NEUROD1: variants seen among roughly 807,000 people sequenced by gnomAD.
NEUROD1 encodes neurogenic differentiation factor 1.
In NEUROD1, 9 loss-of-function variants were observed where a neutral mutation model predicts 21.8. That is an observed-to-expected ratio of 0.41 (90% CI 0.25 to 0.72). NEUROD1 has a LOEUF of 0.72. NEUROD1 is among the 30% of genes least tolerant of loss of function. The probability of loss-of-function intolerance (pLI) is 0.31; values close to 1 mark genes in which losing one functional copy is unlikely to be tolerated. For missense variants in NEUROD1, 434 were observed against 468.8 expected, an observed-to-expected ratio of 0.93 and a Z score of 0.69; for synonymous variants, 199 against 186.2, an observed-to-expected ratio of 1.07 and a Z score of -0.56.
chr2:181,668,956 G>A (rs1219798911), downstream of NEUROD1, among the ~76,000 whole-genome samples: 1 of 151,986 alleles, frequency 6.6e-6, no homozygotes, highest in Non-Finnish European at 1.5e-5. Context: ...CACATAACAG[G>A]ACCTGGTAAG....
chr2:181,677,110 CA>C lies in NEUROD1; in HGVS notation c.*679del, dbSNP rs1688591149. 1.9e-5 allele frequency: 1 copy of C among 53,570 alleles called. No homozygotes were observed. Among genetic ancestry groups the C allele is most frequent in the South Asian group, 4.9e-4 (1 of 2,042 alleles). The allele number at this position is 53,570 out of a possible 1,614,324, so 3.3% of individuals were successfully genotyped here. ...AGTGAAATGAATTGCTCAAATTGTG[CA>C]ATTTTTTTTTTTTTTTTTTTTTTTT... On this transcript the variant is annotated 3_prime_UTR_variant, in exon 2 of 2. Transcript: ENST00000295108.
rs1396359582 is a variant in NEUROD1, at chr2:181,678,826, C to T, written c.35G>A (p.Gly12Asp). Reference protein sequence around the residue: ...TKSYSESGLMGEPQPQGPPSW... With the variant: ...TKSYSESGLMDEPQPQGPPSW... Reference sequence around the variant, plus strand: ...TGGAGGACCTTGGGGCTGAGGCTCGCCCATCAGCCCACTCTCGCTGTACGA... The same window carrying T: ...TGGAGGACCTTGGGGCTGAGGCTCGTCCATCAGCCCACTCTCGCTGTACGA... Residue 12 changes from glycine (G) to aspartate (D), a missense_variant, in exon 2 of 2, where the codon GGC (glycine) becomes GAC (aspartate). Gly to Asp is a moderately conservative substitution (Grantham distance 94). Coordinates refer to ENST00000295108, the MANE Select transcript of NEUROD1 (RefSeq NM_002500.5). This position sits in a 1 kb window ranked among gnomAD's most constrained non-coding sequence, Gnocchi z 5.5. 1 of 1,613,942 alleles carries T rather than the reference C, an allele frequency of 6.2e-7. No individual in the cohort carries two copies. Among genetic ancestry groups the T allele is most frequent in the Non-Finnish European group, 8.5e-7 (1 of 1,180,030 alleles).
rs1688650700 is a variant in NEUROD1, at chr2:181,678,930, A to G, written c.-11-59T>C. 2 of 1,596,206 alleles carry G rather than the reference A, an allele frequency of 1.3e-6. No homozygotes were observed. The highest frequency in any genetic ancestry group is 1.7e-6 in the Non-Finnish European group (2 of 1,172,098). On this transcript the variant is annotated intron_variant, in intron 1 of 1. Coordinates refer to ENST00000295108, the MANE Select transcript of NEUROD1 (RefSeq NM_002500.5). This position sits in a 1 kb window ranked among gnomAD's most constrained non-coding sequence, Gnocchi z 5.5. ...AAAGCAGAAAAACGCTATATTCAAAAGCCAGATACGCCTTCAGCTTCCACT... is the reference window on the plus strand; with the variant it reads ...AAAGCAGAAAAACGCTATATTCAAAGGCCAGATACGCCTTCAGCTTCCACT...
chr2:181,669,998 G>A (rs1688473993), downstream of NEUROD1, among the ~76,000 whole-genome samples: 1 of 152,094 alleles, frequency 6.6e-6, no homozygotes, highest in South Asian at 2.1e-4. Flanking sequence ...AGAAGTCATG[G>A]CACTTAAATT....
chr2:181,672,524 A>G (rs1574085457), downstream of NEUROD1, among the ~76,000 whole-genome samples: 1 of 152,250 alleles, frequency 6.6e-6, no homozygotes, highest in South Asian at 2.1e-4. Context: ...AGACCTAGAG[A>G]TAGATAGTTT....
Position 181,677,690 on chromosome 2 carries a change from C to T in NEUROD1, c.*100G>A, listed in dbSNP as rs1324256252. 6.2e-7 allele frequency: 1 copy of T among 1,604,030 alleles called. No homozygotes were observed. Among genetic ancestry groups the T allele is most frequent in the Non-Finnish European group, 8.5e-7 (1 of 1,178,238 alleles). ...TCACTTGAAGCTTGGAGTATTTGCACTTTGCAGCAGTAGTACCCAAAGGGC... is the reference window on the plus strand; with the variant it reads ...TCACTTGAAGCTTGGAGTATTTGCATTTTGCAGCAGTAGTACCCAAAGGGC... On this transcript the variant is annotated 3_prime_UTR_variant, in exon 2 of 2. Coordinates refer to ENST00000295108, the MANE Select transcript of NEUROD1 (RefSeq NM_002500.5).
intron 1 of NEUROD1, among the ~76,000 whole-genome samples, chr2:181,679,408 G>A (rs1688657509): frequency 6.6e-6 from 1 of 152,196 alleles, no homozygotes; most frequent in African/African-American, 2.4e-5. Flanking sequence ...TTACATCGAC[G>A]GGATACTGAA....
chr2:181,676,060 A>G (rs1688563577), downstream of NEUROD1, among the ~76,000 whole-genome samples: 1 of 152,232 alleles, frequency 6.6e-6, no homozygotes, highest in Admixed American at 6.5e-5. Context: ...TTAAATGTAT[A>G]GACAAACTAA....
At position 181,678,808 on chromosome 2, in the gene NEUROD1, C is replaced by T; in HGVS notation, c.53G>A (p.Gly18Asp). 6.2e-7 allele frequency: 1 copy of T among 1,614,094 alleles called. No homozygotes were observed. The highest frequency in any genetic ancestry group is 8.5e-7 in the Non-Finnish European group (1 of 1,180,006). ...ACACTCGTCTGTCCAGCTTGGAGGA[C>T]CTTGGGGCTGAGGCTCGCCCATCAG... ...SGLMGEPQPQ[G>D]PPSWTDECLS... is the part of the protein sequence containing the mutation. The change falls in exon 2 of 2, where the codon GGT becomes GAT. Residue 18 changes from glycine to aspartate, a missense_variant. Coordinates refer to ENST00000295108, the MANE Select transcript of NEUROD1 (RefSeq NM_002500.5). The surrounding 1 kb of genome is among the most constrained non-coding windows in gnomAD (Gnocchi z 5.5).
downstream of NEUROD1, among the ~76,000 whole-genome samples, chr2:181,670,208 G>C (rs576903684): frequency 6.6e-6 from 1 of 151,958 alleles, no homozygotes; most frequent in South Asian, 2.1e-4. Context: ...ATAATTTTTT[G>C]TGAGTTCAAA....
chr2:181,677,141 T>TTTTTTC lies in NEUROD1; in HGVS notation c.*648_*649insGAAAAA, dbSNP rs1688593450. 1 of 136,826 alleles carries TTTTTTC rather than the reference T, an allele frequency of 7.3e-6. No homozygotes were observed. The highest frequency in any genetic ancestry group is 1.5e-5 in the Non-Finnish European group (1 of 65,530). 8.5% of individuals were successfully genotyped at this position (136,826 alleles called of 1,614,324 possible). A position where few individuals can be genotyped will look rare whatever the true frequency, so the allele number is the denominator to read the frequency against. ...TTTTTTTTTTTTTTTTTTTTTTTTT[T>TTTTTTC]TTTTTACAATTGGAGAGGAAAGAAG... On this transcript the variant is annotated 3_prime_UTR_variant, in exon 2 of 2. Transcript: ENST00000295108.
chr2:181,670,654 T>A (rs1688484543), exon 2 of NEUROD1, among the ~76,000 whole-genome samples: 1 of 152,118 alleles, frequency 6.6e-6, no homozygotes, highest in South Asian at 2.1e-4. Flanking sequence ...TGATTCCTTC[T>A]TAGGGATTCA....
rs1688640908 is a variant in NEUROD1 at position 181,678,722 on chromosome 2, T to G, written c.139A>C (p.Asn47His). ...TTCCTCAGTGAGTCCTCCTCTGCGT[T>G]CATGGTTTCGAGGTCGTCCTCCTTC... ...DKKEDDLETMNAEEDSLRNGG... is the reference protein window; with the variant it reads ...DKKEDDLETMHAEEDSLRNGG... The change falls in exon 2 of 2, where the codon AAC (asparagine) becomes CAC (histidine). Residue 47 changes from asparagine to histidine, a missense_variant. Physicochemically the swap from Asn to His is moderately conservative, Grantham distance 68. Coordinates refer to ENST00000295108, the MANE Select transcript of NEUROD1 (RefSeq NM_002500.5). This position sits in a 1 kb window ranked among gnomAD's most constrained non-coding sequence, Gnocchi z 5.5. 2.5e-6 allele frequency: 4 copies of G among 1,612,306 alleles called. No individual in the cohort carries two copies. In the South Asian group the frequency reaches 4.4e-5, roughly 18 times the overall value.
downstream of NEUROD1, among the ~76,000 whole-genome samples, chr2:181,675,834 G>A (rs1440671715): frequency 2.0e-5 from 3 of 151,650 alleles, no homozygotes; most frequent in Non-Finnish European, 4.4e-5. Context: ...GCTTTTTCTT[G>A]GAAAAATGAT....
rs1486912037 is a variant in NEUROD1 at position 181,678,992 on chromosome 2, C to T, written c.-11-121G>A. 8.3e-7 allele frequency: 1 copy of T among 1,209,884 alleles called. No homozygotes were observed. Among genetic ancestry groups the T allele is most frequent in the Non-Finnish European group, 1.2e-6 (1 of 863,304 alleles). The allele number at this position is 1,209,884 out of a possible 1,614,324, so 74.9% of individuals were successfully genotyped here. A position where few individuals can be genotyped will look rare whatever the true frequency, so the allele number is the denominator to read the frequency against. On this transcript the variant is annotated intron_variant, in intron 1 of 1. Transcript: ENST00000295108. The surrounding 1 kb of genome is among the most constrained non-coding windows in gnomAD (Gnocchi z 5.5). Reference sequence around the variant, plus strand: ...TACAAATGCTTGCGAAAAGTACCTGCCCATTACAAAATGAATGCCTCTGAG... The same window carrying T: ...TACAAATGCTTGCGAAAAGTACCTGTCCATTACAAAATGAATGCCTCTGAG...
At position 181,677,528 on chromosome 2, in the gene NEUROD1, T is replaced by C. The variant is rs978777904; in HGVS notation, c.*262A>G. On this transcript the variant is annotated 3_prime_UTR_variant, in exon 2 of 2. Transcript: ENST00000295108. Reference sequence around the variant, plus strand: ...ACGATCTGAATACAGCCACACCAAATTCGTGGTGTATTTTTTAAACTTTAC... The same window carrying C: ...ACGATCTGAATACAGCCACACCAAACTCGTGGTGTATTTTTTAAACTTTAC... 5 of 464,424 alleles carry C rather than the reference T, an allele frequency of 1.1e-5. No homozygotes were observed. The highest frequency in any genetic ancestry group is 1.9e-5 in the Non-Finnish European group (5 of 260,646). 28.8% of individuals were successfully genotyped at this position (464,424 alleles called of 1,614,324 possible).
chr2:181,677,343 A>G lies in NEUROD1; in HGVS notation c.*447T>C, dbSNP rs1688598072. On this transcript the variant is annotated 3_prime_UTR_variant, in exon 2 of 2. Transcript: ENST00000295108. Reference sequence around the variant, plus strand: ...AAAGTCATTAAAAATTCTGTACAAAATCACAACAAAATAATTCAGCATGGG... The same window carrying G: ...AAAGTCATTAAAAATTCTGTACAAAGTCACAACAAAATAATTCAGCATGGG... 6.6e-6 allele frequency: 1 copy of G among 152,588 alleles called. No homozygotes were observed. The highest frequency in any genetic ancestry group is 6.5e-5 in the Admixed American group (1 of 15,324). The allele number at this position is 152,588 out of a possible 1,614,324, so 9.5% of individuals were successfully genotyped here. A position where few individuals can be genotyped will look rare whatever the true frequency, so the allele number is the denominator to read the frequency against.
rs1308113889 is a variant in NEUROD1, at chr2:181,678,871, C to T, written c.-11G>A. ...GTACGATTTGGTCATGTTTCGATTT[C>T]CTACATTCAACAAGGGAGAGGCAAA... is the stretch of plus-strand genomic sequence containing the variant. On this transcript the variant is annotated splice_region_variant and 5_prime_UTR_variant, in exon 2 of 2. Transcript: ENST00000295108. This position sits in a 1 kb window ranked among gnomAD's most constrained non-coding sequence, Gnocchi z 5.5. 2 of 1,613,342 alleles carry T rather than the reference C, an allele frequency of 1.2e-6. No individual in the cohort carries two copies. Among genetic ancestry groups the T allele is most frequent in the Middle Eastern group, 1.8e-4 (1 of 5,654 alleles).
exon 2 of NEUROD1, among the ~76,000 whole-genome samples, chr2:181,670,746 A>G (rs1318637514): frequency 6.6e-6 from 1 of 152,050 alleles, no homozygotes; most frequent in African/African-American, 2.4e-5. Context: ...ATTTGTAGAC[A>G]CATCACTCCA....
Sources: gnomAD v4.1 joint callset for allele counts (sites outside exome capture counted in the v4.1 genomes callset) on GRCh38, gnomAD v4.1.1 for gene constraint, Gnocchi (gnomAD v3.1) non-coding constraint, MANE v1.5 for transcripts, NCBI Gene and HGNC (gene_info 2026-07-23, HGNC 2026-07-21) for gene names.